Variants in SHISAL1 observed in about 807,000 individuals in gnomAD.
SHISAL1 encodes protein shisa-like-1.
A neutral mutation model predicts 22.6 loss-of-function variants in SHISAL1; 9 were observed. The observed-to-expected ratio is 0.40, with a 90% CI of 0.24 to 0.70. SHISAL1 has a LOEUF of 0.70. Among genes scored for constraint, SHISAL1 ranks in the 30% least tolerant of loss-of-function variants. SHISAL1 has a pLI of 0.39. For missense variants in SHISAL1, 246 were observed against 270.6 expected (o/e 0.91, Z 0.64); for synonymous variants, 119 against 115.4 (o/e 1.03, Z -0.20).
chr22:44,287,634 C>T lies in SHISAL1; in HGVS notation c.282-1889G>A, dbSNP rs572486671. ...AAGGTGTAAATGACTGACAGCCAGG[C>T]CCCAGCGGCCTTATGTTAAAAAGAG... On this transcript the variant is annotated intron_variant, in intron 3 of 4. Coordinates refer to ENST00000381176, the MANE Select transcript of SHISAL1 (RefSeq NM_001099294.2). 7.2e-5 allele frequency among the ~76,000 whole-genome samples: 11 copies of T among 152,240 alleles called. No homozygotes were observed. In the South Asian group the frequency reaches 2.1e-3, roughly 29 times the overall value.
chr22:44,322,631 G>C, the SHISAL1 span, among the ~76,000 whole-genome samples: 1 of 152,182 alleles, frequency 6.6e-6, no homozygotes, highest in Non-Finnish European at 1.5e-5. Flanking sequence ...GTTCAGAGTG[G>C]CATGGGAACT....
chr22:44,320,412 CA>C, the SHISAL1 span, among the ~76,000 whole-genome samples: 2 of 152,212 alleles, frequency 1.3e-5, no homozygotes, highest in Non-Finnish European at 1.5e-5. Flanking sequence ...GGCCGTGGAT[CA>C]GGGGGCAGGG....
chr22:44,254,529 TAAAA>T (rs1221996027), intron 4 of SHISAL1, among the ~76,000 whole-genome samples: 1 of 152,014 alleles, frequency 6.6e-6, no homozygotes, highest in Non-Finnish European at 1.5e-5. Context: ...CCTAGCTAAT[TAAAA>T]AAAATTTTTG....
At chr22:44,304,188 A>G (rs891203551) in intron 1 of SHISAL1, among the ~76,000 whole-genome samples, 6 of 152,202 alleles carry the variant, frequency 3.9e-5, no homozygotes, top group African/African-American at 1.4e-4. Flanking sequence ...GTCCCAGGGC[A>G]GCTCTGAATG....
intron 4 of SHISAL1, 78 bp downstream of exon 4, chr22:44,285,350 C>T (rs955292060): frequency 6.2e-5 from 90 of 1,454,848 alleles, no homozygotes; most frequent in Middle Eastern, 5.3e-4. Context: ...AACACTATGG[C>T]GAGAGTGATG....
upstream of SHISAL1, among the ~76,000 whole-genome samples, chr22:44,317,165 G>A (rs1389484856): frequency 6.6e-6 from 1 of 152,168 alleles, no homozygotes; most frequent in Non-Finnish European, 1.5e-5. Flanking sequence ...GGGTTAATGA[G>A]CCTCCCACCC....
Position 44,259,008 on chromosome 22 carries a change from A to C in SHISAL1, c.*-9323T>G, listed in dbSNP as rs2055103634. 5.9e-5 allele frequency among the ~76,000 whole-genome samples: 9 copies of C among 152,340 alleles called. No individual in the cohort carries two copies. In the South Asian group the frequency reaches 1.9e-3, roughly 32 times the overall value. ...ATTCTGGACCCAAGGGTTGGAAACC[A>C]GAATGAAGCCTGGCTGACTCGACCA... On this transcript the variant is annotated intron_variant, in intron 4 of 4. Transcript: ENST00000381176.
In SHISAL1 at chr22:44,312,828, C is replaced by T. The variant is rs959552263; in HGVS notation, c.-110G>A. 3.9e-5 allele frequency: 6 copies of T among 152,330 alleles called. No homozygotes were observed. The East Asian group carries it at 5.8e-4, about 15-fold the overall frequency. The allele number at this position is 152,330 out of a possible 1,614,324, so 9.4% of individuals were successfully genotyped here. On this transcript the variant is annotated 5_prime_UTR_variant, in exon 1 of 5. Transcript: ENST00000381176. ...TCCCTGCAGCTGCTGGCCTCTTCCCCGGCTCCTGGTTGCCACCAACCTTAA... is the reference window on the plus strand; with the variant it reads ...TCCCTGCAGCTGCTGGCCTCTTCCCTGGCTCCTGGTTGCCACCAACCTTAA...
chr22:44,297,263 GA>G (rs1300611975), intron 2 of SHISAL1, among the ~76,000 whole-genome samples: 1 of 152,236 alleles, frequency 6.6e-6, no homozygotes, highest in Non-Finnish European at 1.5e-5. Flanking sequence ...TACAGATGGA[GA>G]AACTGAGGCT....
chr22:44,298,014 C>A (rs1399903408), intron 2 of SHISAL1, among the ~76,000 whole-genome samples: 1 of 152,170 alleles, frequency 6.6e-6, no homozygotes, highest in Non-Finnish European at 1.5e-5. Flanking sequence ...GGCAGGCGGC[C>A]TTCATGTGCT....
chr22:44,329,205 A>G, the SHISAL1 span, among the ~76,000 whole-genome samples: 1,231 of 152,258 alleles, frequency 8.1e-3, 13 homozygotes, highest in African/African-American at 0.028. Flanking sequence ...CAGCACAGGC[A>G]TGGGGGCTCG....
chr22:44,255,057 C>T (rs1021975617), intron 4 of SHISAL1, among the ~76,000 whole-genome samples: 23 of 152,194 alleles, frequency 1.5e-4, no homozygotes, highest in African/African-American at 5.3e-4. Flanking sequence ...GATCCTCCTC[C>T]TCCTCCCACC....
chr22:44,329,038 C>G, the SHISAL1 span, among the ~76,000 whole-genome samples: 1 of 152,212 alleles, frequency 6.6e-6, no homozygotes, highest in Admixed American at 6.5e-5. Context: ...TCCCAGGCTC[C>G]AAAGGACAGG....
rs972422453 is a variant in SHISAL1, at chr22:44,264,548, G to C, written c.*-14863C>G. On this transcript the variant is annotated intron_variant, in intron 4 of 4. Coordinates refer to ENST00000381176, the MANE Select transcript of SHISAL1 (RefSeq NM_001099294.2). ...CAGGGGTTTGGGGCACAGGTGGGGTGTCCTGACGGATGTAGTCACTCTCAG... is the reference window on the plus strand; with the variant it reads ...CAGGGGTTTGGGGCACAGGTGGGGTCTCCTGACGGATGTAGTCACTCTCAG... 2.0e-5 allele frequency among the ~76,000 whole-genome samples: 3 copies of C among 152,190 alleles called. No individual in the cohort carries two copies. In the South Asian group the frequency reaches 6.2e-4, roughly 31 times the overall value.
chr22:44,331,514 C>G, the SHISAL1 span, among the ~76,000 whole-genome samples: 4 of 150,714 alleles, frequency 2.7e-5, no homozygotes, highest in Non-Finnish European at 5.9e-5. The surrounding 1 kb of genome is among the most constrained non-coding windows in gnomAD (Gnocchi z 5.2). Context: ...GCCGCCCGCT[C>G]GTTCCTCGCT....
chr22:44,291,737 C>T (rs2055353844), intron 3 of SHISAL1, among the ~76,000 whole-genome samples: 1 of 149,344 alleles, frequency 6.7e-6, no homozygotes, highest in Non-Finnish European at 1.5e-5. Context: ...GTGGGAGATG[C>T]CACTCCCAGC....
chr22:44,260,107 G>T (rs2055111506), intron 4 of SHISAL1, among the ~76,000 whole-genome samples: 1 of 152,058 alleles, frequency 6.6e-6, no homozygotes, highest in African/African-American at 2.4e-5. Context: ...AAGTCAGGTG[G>T]ACCCTGCACC....
At chr22:44,290,692 T>C (rs771425184) in intron 3 of SHISAL1, among the ~76,000 whole-genome samples, 7 of 152,162 alleles carry the variant, frequency 4.6e-5, no homozygotes, top group African/African-American at 7.2e-5. Flanking sequence ...TCTGTGATTT[T>C]GGGAAACTGA....
chr22:44,256,186 A>C (rs1439409109), intron 4 of SHISAL1, among the ~76,000 whole-genome samples: 1 of 146,072 alleles, frequency 6.8e-6, no homozygotes, highest in Non-Finnish European at 1.5e-5. Flanking sequence ...CCTGGGTCTC[A>C]GGACTGGAAC....
Sources: allele counts gnomAD v4.1 joint callset (sites outside exome capture counted in the v4.1 genomes callset), GRCh38; gene constraint gnomAD v4.1.1; non-coding constraint Gnocchi (gnomAD v3.1); transcripts MANE v1.5; gene names NCBI Gene and HGNC (gene_info 2026-07-23, HGNC 2026-07-21).